TMPRSS15: variants seen among roughly 807,000 people sequenced by gnomAD.
TMPRSS15 encodes transmembrane serine protease 15.
TMPRSS15 carries 128 observed loss-of-function variants against 125.3 expected under a neutral mutation model. The ratio of observed to expected loss-of-function variants is 1.02; its 90% CI spans 0.89 to 1.18. TMPRSS15 has a LOEUF of 1.18. TMPRSS15 is among the 50% of genes most tolerant of loss of function. The probability of loss-of-function intolerance (pLI) is 0.00; values close to 1 mark genes in which losing one functional copy is unlikely to be tolerated. For missense variants in TMPRSS15, 1,283 were observed against 1,212.7 expected, an observed-to-expected ratio of 1.06 and a Z score of -0.86; for synonymous variants, 446 against 423.2, an observed-to-expected ratio of 1.05 and a Z score of -0.66.
intron 7 of TMPRSS15, 26 bp downstream of exon 7, chr21:18,365,114 A>G (rs2075714250): frequency 6.3e-7 from 1 of 1,586,420 alleles, no homozygotes; most frequent in African/African-American, 1.3e-5. Context: ...TGACTTAAGA[A>G]CAGAAAATAT....
chr21:18,290,945 G>A (rs1196101055), intron 21 of TMPRSS15, among the ~76,000 whole-genome samples: 1 of 152,110 alleles, frequency 6.6e-6, no homozygotes, highest in Non-Finnish European at 1.5e-5. Flanking sequence ...CACTATTTTT[G>A]CAATTTTTAT....
At chr21:18,467,345 T>C (rs991332989) in intron 1 of TMPRSS15, among the ~76,000 whole-genome samples, 1 of 151,962 alleles carries the variant, frequency 6.6e-6, no homozygotes, top group African/African-American at 2.4e-5. Flanking sequence ...CCATGGCATG[T>C]GTATACCTAT....
chr21:18,432,296 A>C (rs567140303), intron 1 of TMPRSS15, among the ~76,000 whole-genome samples: 1 of 152,262 alleles, frequency 6.6e-6, no homozygotes, highest in East Asian at 1.9e-4. Context: ...CTATGTCTTC[A>C]TCAATTTCCT....
At position 18,383,739 on chromosome 21, in the gene TMPRSS15, G is replaced by C; in HGVS notation, c.384C>G (p.Ala128=). ...SIIVVFDLFF[A]QWVSDENVKE... ...TTACATTTTCATCTGACACCCACTG[G>C]GCAAAGAAAAGGTCAAATACGACTA... The change falls in exon 4 of 25, where the codon GCC becomes GCG. Residue 128 remains alanine (A), a synonymous_variant. Transcript: ENST00000284885. The C allele has an allele frequency of 6.2e-7, 1 of 1,613,684 alleles. No homozygotes were observed. The highest frequency in any genetic ancestry group is 8.5e-7 in the Non-Finnish European group (1 of 1,179,864).
chr21:18,436,227 G>T (rs962985435), intron 1 of TMPRSS15, among the ~76,000 whole-genome samples: 16 of 151,180 alleles, frequency 1.1e-4, no homozygotes, highest in African/African-American at 1.7e-4. Flanking sequence ...TGATGTTAGG[G>T]TGTCAATTTT....
intron 1 of TMPRSS15, among the ~76,000 whole-genome samples, chr21:18,421,117 C>A (rs1156529627): frequency 6.6e-6 from 1 of 152,094 alleles, no homozygotes; most frequent in Non-Finnish European, 1.5e-5. Flanking sequence ...AAACACTATA[C>A]CACTAATATT....
intron 1 of TMPRSS15, among the ~76,000 whole-genome samples, chr21:18,484,005 T>C (rs1312235503): frequency 1.3e-5 from 2 of 151,918 alleles, no homozygotes; most frequent in Non-Finnish European, 2.9e-5. Context: ...AATACATTAC[T>C]AGGTGCCCTC....
At chr21:18,453,413 TG>T (rs1198924224) in intron 1 of TMPRSS15, among the ~76,000 whole-genome samples, 1 of 152,214 alleles carries the variant, frequency 6.6e-6, no homozygotes, top group Non-Finnish European at 1.5e-5. Context: ...TGCATGCACA[TG>T]TGCATATACG....
intron 1 of TMPRSS15, among the ~76,000 whole-genome samples, chr21:18,411,602 A>G (rs992150121): frequency 6.6e-6 from 1 of 152,092 alleles, no homozygotes; most frequent in African/African-American, 2.4e-5. Flanking sequence ...CTGACCTTTC[A>G]TTCTCTTTGC....
At chr21:18,412,556 T>C (rs2076168692) in intron 1 of TMPRSS15, among the ~76,000 whole-genome samples, 1 of 152,216 alleles carries the variant, frequency 6.6e-6, no homozygotes, top group Non-Finnish European at 1.5e-5. Flanking sequence ...TCCAAATAAA[T>C]TCATTGGGTA....
chr21:18,453,745 C>A (rs77213481), intron 1 of TMPRSS15, among the ~76,000 whole-genome samples: 4,530 of 152,208 alleles, frequency 0.03, 109 homozygotes, highest in Non-Finnish European at 0.048. Flanking sequence ...GATATGGAAA[C>A]AATCCAAGGG....
At chr21:18,393,033 T>C (rs1443306091) in intron 3 of TMPRSS15, among the ~76,000 whole-genome samples, 1 of 151,912 alleles carries the variant, frequency 6.6e-6, no homozygotes, top group African/African-American at 2.4e-5. Context: ...AACGAAAACA[T>C]AGATAAAAGA....
In TMPRSS15 at chr21:18,343,755, T is replaced by C; in HGVS notation, c.1278-99A>G. 5 of 1,426,230 alleles carry C rather than the reference T, an allele frequency of 3.5e-6. No individual in the cohort carries two copies. The South Asian group carries it at 6.0e-5, about 17-fold the overall frequency. The allele number at this position is 1,426,230 out of a possible 1,614,324, so 88.3% of individuals were successfully genotyped here. ...TTTTTTACTTTCTTTGAAATAATCTTTTTTTCCTTCTGGGTTTTGGAGTTG... is the reference window on the plus strand; with the variant it reads ...TTTTTTACTTTCTTTGAAATAATCTCTTTTTCCTTCTGGGTTTTGGAGTTG... On this transcript the variant is annotated intron_variant, in intron 11 of 24. Transcript: ENST00000284885.
chr21:18,461,545 A>G (rs2122952618), intron 1 of TMPRSS15, among the ~76,000 whole-genome samples: 1 of 152,188 alleles, frequency 6.6e-6, no homozygotes, highest in Middle Eastern at 3.4e-3. Context: ...TAAACTCCCC[A>G]CGCATATCCT....
Position 18,485,144 on chromosome 21 carries a change from T to G in TMPRSS15, c.10+655A>C, listed in dbSNP as rs565707851. 1.2e-3 allele frequency among the ~76,000 whole-genome samples: 182 copies of G among 152,012 alleles called. 7 individuals carry two copies. In the South Asian group the frequency reaches 0.038, roughly 32 times the overall value. ...ATTATAAAGATTATCTTTTAAAATT[T>G]TACTCTAATGTCTTTGTAATTGGTA... On this transcript the variant is annotated intron_variant, in intron 1 of 7. Coordinates refer to the TMPRSS15 transcript ENST00000422787.
chr21:18,381,996 A>G (rs1209252227), intron 4 of TMPRSS15, among the ~76,000 whole-genome samples: 1 of 152,168 alleles, frequency 6.6e-6, no homozygotes, highest in African/African-American at 2.4e-5. Context: ...AAATGAAAAT[A>G]TTCATTTTTC....
At chr21:18,479,719 A>C (rs1978945371) in intron 1 of TMPRSS15, among the ~76,000 whole-genome samples, 1 of 152,112 alleles carries the variant, frequency 6.6e-6, no homozygotes, top group African/African-American at 2.4e-5. Flanking sequence ...AATGGCGATC[A>C]TTAAAAAGTC....
Position 18,343,648 on chromosome 21 carries a change from A to C in TMPRSS15, c.1286T>G (p.Met429Arg). ...EPACLSFWYHMYGENVHKLSI... is the reference protein window; with the variant it reads ...EPACLSFWYHRYGENVHKLSI... ...TAATTTATGGACATTTTCACCATACATATGATACCTAGTTTGGAAAGAAGC... is the reference window on the plus strand; with the variant it reads ...TAATTTATGGACATTTTCACCATACCTATGATACCTAGTTTGGAAAGAAGC... The change falls in exon 12 of 25, where the codon ATG (methionine) becomes AGG (arginine). Residue 429 changes from methionine to arginine, a missense_variant. By Grantham distance (91) the Met-to-Arg change is moderately conservative (BLOSUM62 -1). Transcript: ENST00000284885. 6.2e-7 allele frequency: 1 copy of C among 1,613,566 alleles called. No individual in the cohort carries two copies.
chr21:18,390,423 T>G (rs543361756), intron 3 of TMPRSS15, among the ~76,000 whole-genome samples: 1 of 152,186 alleles, frequency 6.6e-6, no homozygotes, highest in African/African-American at 2.4e-5. Context: ...ATTCATTATG[T>G]TAATAACAGC....
Sources: allele counts gnomAD v4.1 joint callset (sites outside exome capture counted in the v4.1 genomes callset), GRCh38; gene constraint gnomAD v4.1.1; transcripts MANE v1.5; gene names NCBI Gene and HGNC (gene_info 2026-07-23, HGNC 2026-07-21).